The following LOC128706665 variants were observed in gnomAD, a reference collection of about 807,000 sequenced individuals.
chr20:10,424,179 T>C, the LOC128706665 span, among the ~76,000 whole-genome samples: 2 of 152,000 alleles, frequency 1.3e-5, no homozygotes, highest in African/African-American at 2.4e-5. Context: ...CTGAGCAAGA[T>C]GGAATTAGCA....
At chr20:10,418,858 C>A in the LOC128706665 span, among the ~76,000 whole-genome samples, 4 of 151,994 alleles carry the variant, frequency 2.6e-5, no homozygotes, top group East Asian at 7.7e-4. Context: ...AAAAATCCAG[C>A]ACCTAATAAA....
At chr20:10,431,714 T>C in the LOC128706665 span, 1 of 152,202 alleles carries the variant, frequency 6.6e-6, no homozygotes. Context: ...GGAGTCAAGA[T>C]CTAGAAAAAC....
chr20:10,422,037 T>C, the LOC128706665 span, among the ~76,000 whole-genome samples: 2 of 152,142 alleles, frequency 1.3e-5, no homozygotes, highest in African/African-American at 4.8e-5. Context: ...CTGAAAAGAA[T>C]TTCTTATTCC....
At chr20:10,422,815 C>T in the LOC128706665 span, among the ~76,000 whole-genome samples, 14 of 151,728 alleles carry the variant, frequency 9.2e-5, no homozygotes, top group African/African-American at 3.1e-4. Context: ...AGGTTCACGC[C>T]ATTCTCCTGC....
chr20:10,421,099 AGAGT>A, the LOC128706665 span, among the ~76,000 whole-genome samples: 1 of 150,972 alleles, frequency 6.6e-6, no homozygotes, highest in African/African-American at 2.4e-5. Flanking sequence ...GAGCCACAAT[AGAGT>A]AAGAGCCTTT....
chr20:10,417,027 C>T, the LOC128706665 span, among the ~76,000 whole-genome samples: 6 of 151,920 alleles, frequency 3.9e-5, no homozygotes, highest in Admixed American at 3.3e-4. Context: ...AATGAATAGT[C>T]GCTAATAATT....
chr20:10,413,757 T>G, the LOC128706665 span: 3 of 593,948 alleles, frequency 5.1e-6, no homozygotes, highest in Non-Finnish European at 8.9e-6. Flanking sequence ...ACTCTTTTGT[T>G]TGCTTTGAGA....
the LOC128706665 span, among the ~76,000 whole-genome samples, chr20:10,423,122 GA>G: frequency 3.8e-4 from 57 of 150,974 alleles, no homozygotes; most frequent in African/African-American, 1.1e-3. Context: ...TAAACTCAAG[GA>G]AAAAAAACCC....
chr20:10,428,472 G>C, the LOC128706665 span, among the ~76,000 whole-genome samples: 1 of 152,196 alleles, frequency 6.6e-6, no homozygotes, highest in Non-Finnish European at 1.5e-5. Context: ...CTATTGGCCA[G>C]AGGACATTAT....
At chr20:10,432,388 T>C in the LOC128706665 span, among the ~76,000 whole-genome samples, 6 of 152,330 alleles carry the variant, frequency 3.9e-5, no homozygotes, top group African/African-American at 1.2e-4. Flanking sequence ...TAGGACAATC[T>C]AGAAACATCT....
the LOC128706665 span, among the ~76,000 whole-genome samples, chr20:10,432,310 A>G: frequency 2.6e-5 from 4 of 152,296 alleles, no homozygotes; most frequent in South Asian, 8.3e-4. Context: ...TAATCATCCA[A>G]AAAGTCTTCT....
the LOC128706665 span, chr20:10,413,907 C>T: frequency 4.8e-6 from 2 of 418,406 alleles, no homozygotes; most frequent in East Asian, 6.8e-5. Context: ...CGATATGAAG[C>T]TCAGATTCAA....
the LOC128706665 span, among the ~76,000 whole-genome samples, chr20:10,416,274 GT>G: frequency 6.6e-6 from 1 of 152,080 alleles, no homozygotes; most frequent in East Asian, 1.9e-4. Context: ...ACAGGTGAAA[GT>G]TTTTCCTAAA....
the LOC128706665 span, among the ~76,000 whole-genome samples, chr20:10,415,953 C>G: frequency 1.3e-5 from 2 of 151,996 alleles, no homozygotes; most frequent in East Asian, 1.9e-4. Flanking sequence ...CAGGTCTAGA[C>G]CTGAACAAAA....
At chr20:10,416,378 G>T in the LOC128706665 span, among the ~76,000 whole-genome samples, 1 of 151,936 alleles carries the variant, frequency 6.6e-6, no homozygotes, top group African/African-American at 2.4e-5. Context: ...CCAAAAGTAA[G>T]GATGTTATTA....
the LOC128706665 span, among the ~76,000 whole-genome samples, chr20:10,417,380 G>A: frequency 6.6e-6 from 1 of 152,220 alleles, no homozygotes; most frequent in African/African-American, 2.4e-5. Context: ...GGAGGCCAAG[G>A]CAGGAGGATT....
At chr20:10,425,713 A>G in the LOC128706665 span, among the ~76,000 whole-genome samples, 14 of 152,374 alleles carry the variant, frequency 9.2e-5, no homozygotes, top group East Asian at 2.7e-3. Flanking sequence ...TTTGATGAGC[A>G]GTAACTGGTT....
At chr20:10,416,836 T>C in the LOC128706665 span, among the ~76,000 whole-genome samples, 2 of 152,210 alleles carry the variant, frequency 1.3e-5, no homozygotes, top group Non-Finnish European at 2.9e-5. Flanking sequence ...TTTTTGTAAA[T>C]GAAGTTTTAT....
chr20:10,423,458 A>G, the LOC128706665 span, among the ~76,000 whole-genome samples: 1 of 152,196 alleles, frequency 6.6e-6, no homozygotes, highest in Admixed American at 6.5e-5. Flanking sequence ...ACTGGATAGG[A>G]TAAAAGGATG....
Sources: gnomAD v4.1 joint callset for allele counts (sites outside exome capture counted in the v4.1 genomes callset) on GRCh38, gnomAD v4.1.1 for gene constraint, MANE v1.5 for transcripts.